LOC122539214: variants seen among roughly 807,000 people sequenced by gnomAD.
the LOC122539214 span, among the ~76,000 whole-genome samples, chr19:52,662,200 G>A: frequency 6.6e-6 from 1 of 152,160 alleles, no homozygotes; most frequent in Non-Finnish European, 1.5e-5. Context: ...TACAAATAAT[G>A]GAATTCATTT....
At chr19:52,681,718 TC>T in the LOC122539214 span, among the ~76,000 whole-genome samples, 1 of 152,178 alleles carries the variant, frequency 6.6e-6, no homozygotes, top group African/African-American at 2.4e-5. Flanking sequence ...AGATACAGCT[TC>T]AAAACTAAAC....
At chr19:52,677,625 G>T in the LOC122539214 span, among the ~76,000 whole-genome samples, 7 of 152,110 alleles carry the variant, frequency 4.6e-5, no homozygotes, top group African/African-American at 1.7e-4. Context: ...CTTGTAGATT[G>T]CAGAATTGTG....
At chr19:52,654,140 T>C in the LOC122539214 span, 18 of 1,605,668 alleles carry the variant, frequency 1.1e-5, no homozygotes, top group African/African-American at 6.7e-5. Context: ...TGATCTTTAA[T>C]AGGCTTGTTT....
At chr19:52,672,839 G>A in the LOC122539214 span, among the ~76,000 whole-genome samples, 3 of 152,090 alleles carry the variant, frequency 2.0e-5, no homozygotes, top group African/African-American at 7.2e-5. Context: ...ACCTTCCAAA[G>A]TGCTGGGATT....
chr19:52,680,664 G>A, the LOC122539214 span, among the ~76,000 whole-genome samples: 14 of 132,200 alleles, frequency 1.1e-4, no homozygotes, highest in African/African-American at 4.1e-4. Flanking sequence ...CCAGGCTGGA[G>A]TGCAGTGGCG....
the LOC122539214 span, among the ~76,000 whole-genome samples, chr19:52,682,815 C>G: frequency 6.6e-6 from 1 of 152,218 alleles, no homozygotes; most frequent in East Asian, 1.9e-4. Context: ...CTGCTGTAAA[C>G]TAGAATTTTG....
the LOC122539214 span, chr19:52,652,289 A>G: frequency 4.2e-5 from 10 of 238,070 alleles, no homozygotes; most frequent in Admixed American, 4.2e-4. Flanking sequence ...CATAAAAATT[A>G]GCCAGGCTTG....
chr19:52,657,685 T>C, the LOC122539214 span, among the ~76,000 whole-genome samples: 1 of 151,886 alleles, frequency 6.6e-6, no homozygotes, highest in South Asian at 2.1e-4. Context: ...CCGTCTCTAC[T>C]AAAAATACAA....
chr19:52,671,975 G>A, the LOC122539214 span, among the ~76,000 whole-genome samples: 6 of 152,154 alleles, frequency 3.9e-5, no homozygotes, highest in African/African-American at 1.4e-4. Context: ...ACTCACACCT[G>A]TAATCCCAGC....
At chr19:52,690,193 A>AC in the LOC122539214 span, among the ~76,000 whole-genome samples, 1 of 151,562 alleles carries the variant, frequency 6.6e-6, no homozygotes, top group African/African-American at 2.4e-5. Flanking sequence ...AAAAAAAAAA[A>AC]AAAAACAACA....
the LOC122539214 span, among the ~76,000 whole-genome samples, chr19:52,660,064 G>A: frequency 3.3e-5 from 5 of 152,164 alleles, no homozygotes; most frequent in South Asian, 2.1e-4. Context: ...GGTGGTGTGC[G>A]ACTGTAATCC....
At chr19:52,652,455 T>A in the LOC122539214 span, 1 of 403,816 alleles carries the variant, frequency 2.5e-6, no homozygotes, top group South Asian at 1.9e-5. Context: ...AAAAAATGAC[T>A]GCCACAATTA....
the LOC122539214 span, among the ~76,000 whole-genome samples, chr19:52,680,606 ATTT>A: frequency 0.15 from 13,451 of 87,430 alleles, 291 homozygotes; most frequent in African/African-American, 0.23. Context: ...TCCACAAAAT[ATTT>A]TTTTTTTTTT....
At chr19:52,659,783 A>G in the LOC122539214 span, among the ~76,000 whole-genome samples, 10 of 152,208 alleles carry the variant, frequency 6.6e-5, no homozygotes, top group African/African-American at 2.2e-4. Context: ...TAAGAGACCT[A>G]TAACAAACAA....
At chr19:52,676,349 C>T in the LOC122539214 span, among the ~76,000 whole-genome samples, 1 of 152,168 alleles carries the variant, frequency 6.6e-6, no homozygotes, top group African/African-American at 2.4e-5. Flanking sequence ...ACCTCCCAGC[C>T]GCCTGCCTTG....
the LOC122539214 span, among the ~76,000 whole-genome samples, chr19:52,658,304 G>A: frequency 1.3e-5 from 2 of 152,176 alleles, no homozygotes; most frequent in East Asian, 3.9e-4. Context: ...CAGCACTCAC[G>A]CCTGTAATTC....
At chr19:52,687,453 A>AT in the LOC122539214 span, among the ~76,000 whole-genome samples, 2 of 17,598 alleles carry the variant, frequency 1.1e-4, 1 homozygote, top group Non-Finnish European at 2.2e-4. Context: ...TATAAATTAT[A>AT]ATATAAATTA....
At chr19:52,680,738 GA>G in the LOC122539214 span, among the ~76,000 whole-genome samples, 1 of 137,676 alleles carries the variant, frequency 7.3e-6, no homozygotes, top group South Asian at 2.3e-4. Flanking sequence ...TCAGCCTCCC[GA>G]GTAACTGGGA....
chr19:52,674,015 C>CAAAAAA, the LOC122539214 span, among the ~76,000 whole-genome samples: 31 of 73,010 alleles, frequency 4.2e-4, no homozygotes, highest in African/African-American at 7.8e-4. Flanking sequence ...GACTCCATCT[C>CAAAAAA]AAAAAAAAAA....
Sources: allele counts gnomAD v4.1 joint callset (sites outside exome capture counted in the v4.1 genomes callset), GRCh38; gene constraint gnomAD v4.1.1; transcripts MANE v1.5.